The following MGAM2 variants were observed in gnomAD, a reference collection of about 807,000 sequenced individuals.
MGAM2 encodes probable maltase-glucoamylase 2.
MGAM2 carries 98 observed loss-of-function variants against 96.1 expected under a neutral mutation model. That is an observed-to-expected ratio of 1.02 (90% CI 0.87 to 1.21). MGAM2 has a LOEUF of 1.21. Among genes scored for constraint, MGAM2 ranks in the 50% most tolerant of loss-of-function variants. MGAM2 has a pLI of 0.00. For synonymous variants in MGAM2, 749 were observed against 414.8 expected (o/e 1.81, Z -9.79); for missense variants, 2,055 against 1,182.4 (o/e 1.74, Z -10.82).
At chr7:142,143,943 G>A (rs1433283540) in intron 13 of MGAM2, 61 bp downstream of exon 13, 5 of 697,600 alleles carry the variant, frequency 7.2e-6, no homozygotes, top group East Asian at 2.7e-5. Context: ...ATTTTCAGAT[G>A]AGTTTTGACC....
At chr7:142,182,741 CTA>C (rs1796580222) in intron 32 of MGAM2, among the ~76,000 whole-genome samples, 1 of 152,220 alleles carries the variant, frequency 6.6e-6, no homozygotes, top group Admixed American at 6.5e-5. Context: ...CTCAGCAACT[CTA>C]TGTGGGATTT....
Position 142,137,498 on chromosome 7 carries a change from G to A in MGAM2, c.913G>A (p.Val305Ile), listed in dbSNP as rs775764230. 36 of 701,626 alleles carry A rather than the reference G, an allele frequency of 5.1e-5. No homozygotes were observed. The highest frequency in any genetic ancestry group is 8.7e-5 in the African/African-American group (5 of 57,230). The allele number at this position is 701,626 out of a possible 1,614,324, so 43.5% of individuals were successfully genotyped here. ...GATTGGAGGCATTCTTGACTTTTAC[G>A]TATTCCTAGGAAACACTCCAGAACA... ...RTIGGILDFY[V>I]FLGNTPEQVV... The change falls in exon 9 of 48, where the codon GTA becomes ATA. Residue 305 changes from valine to isoleucine, a missense_variant. Transcript: ENST00000477922.
chr7:142,172,582 A>C, intron 29 of MGAM2, 70 bp from the exon 30 acceptor site: 1 of 618,462 alleles, frequency 1.6e-6, no homozygotes, highest in South Asian at 1.9e-5. Flanking sequence ...AGCAAATCTT[A>C]GAGCAGGTTT....
intron 8 of MGAM2, 92 bp downstream of exon 8, chr7:142,136,732 G>C: frequency 5.4e-6 from 3 of 552,418 alleles, no homozygotes; most frequent in Non-Finnish European, 9.6e-6. Context: ...ATCAACTGTT[G>C]AACAGAAGGC....
intron 45 of MGAM2, among the ~76,000 whole-genome samples, chr7:142,200,920 C>T (rs556438936): frequency 6.6e-5 from 10 of 151,812 alleles, no homozygotes; most frequent in African/African-American, 1.9e-4. Flanking sequence ...TTTGTGAATC[C>T]TGTTTATTTT....
intron 3 of MGAM2, among the ~76,000 whole-genome samples, chr7:142,128,415 C>T (rs1325904115): frequency 6.6e-6 from 1 of 152,140 alleles, no homozygotes; most frequent in Non-Finnish European, 1.5e-5. Context: ...ACATAAGTAA[C>T]AAGGAGTCAA....
At chr7:142,164,764 G>C (rs373795786) in intron 23 of MGAM2, 92 bp from the exon 24 acceptor site, 11 of 563,448 alleles carry the variant, frequency 2.0e-5, no homozygotes, top group Middle Eastern at 4.1e-4. Flanking sequence ...GAAACAGCTT[G>C]GATCACAGAA....
chr7:142,172,485 T>C (rs1287052117), intron 29 of MGAM2, among the ~76,000 whole-genome samples, 167 bp from the exon 30 acceptor site: 1 of 152,182 alleles, frequency 6.6e-6, no homozygotes, highest in Non-Finnish European at 1.5e-5. Flanking sequence ...ATATTACATT[T>C]GGGGTACCTG....
Position 142,187,787 on chromosome 7 carries a change from T to A in MGAM2, c.4160T>A (p.Val1387Asp), listed in dbSNP as rs1400692374. Residue 1387 changes from valine to aspartate, a missense_variant, in exon 36 of 48, where the codon GTC (valine) becomes GAC (aspartate). Physicochemically the swap from Val to Asp is radical, Grantham distance 152. Coordinates refer to ENST00000477922, the MANE Select transcript of MGAM2 (RefSeq NM_001293626.2). Reference sequence around the variant, plus strand: ...CCATCAAATTTTGTGGATGGATCTGTCAGGGGCTGCAGCAATGAAATGCTA... The same window carrying A: ...CCATCAAATTTTGTGGATGGATCTGACAGGGGCTGCAGCAATGAAATGCTA... ...NEPSNFVDGS[V>D]RGCSNEMLNN... 1.4e-6 allele frequency: 1 copy of A among 702,842 alleles called. No individual in the cohort carries two copies. Among genetic ancestry groups the A allele is most frequent in the Non-Finnish European group, 2.6e-6 (1 of 384,870 alleles). 43.5% of individuals were successfully genotyped at this position (702,842 alleles called of 1,614,324 possible).
Position 142,158,119 on chromosome 7 carries a change from C to T in MGAM2, c.2078+28C>T, listed in dbSNP as rs1459129440. ...GAGTTTCCTGATTCTCAAAGACTCC[C>T]TTTCTGATTGTAGTTTCACTTGACT... is the stretch of plus-strand genomic sequence containing the variant. On this transcript the variant is annotated intron_variant, in intron 18 of 47. Transcript: ENST00000477922. The T allele has an allele frequency of 3.6e-5, 25 of 700,540 alleles. No individual in the cohort carries two copies. In the East Asian group the frequency reaches 6.7e-4, roughly 19 times the overall value. 43.4% of individuals were successfully genotyped at this position (700,540 alleles called of 1,614,324 possible).
In MGAM2 at chr7:142,199,977, A is replaced by T; in HGVS notation, c.5137+9A>T. 1.5e-6 allele frequency: 1 copy of T among 661,636 alleles called. No individual in the cohort carries two copies. The highest frequency in any genetic ancestry group is 1.8e-5 in the African/African-American group (1 of 55,512). The allele number at this position is 661,636 out of a possible 1,614,324, so 41.0% of individuals were successfully genotyped here. A position where few individuals can be genotyped will look rare whatever the true frequency, so the allele number is the denominator to read the frequency against. On this transcript the variant is annotated intron_variant, in intron 45 of 47. Transcript: ENST00000477922. Reference sequence around the variant, plus strand: ...TGATGGACAAAGCATTGGTGAGTATAAACTTTCCAGGGTCCCTGTACATCA... The same window carrying T: ...TGATGGACAAAGCATTGGTGAGTATTAACTTTCCAGGGTCCCTGTACATCA...
intron 8 of MGAM2, among the ~76,000 whole-genome samples, chr7:142,136,842 A>G (rs140284033): frequency 6.6e-6 from 1 of 152,332 alleles, no homozygotes; most frequent in East Asian, 1.9e-4. Flanking sequence ...ATTGAAAACC[A>G]CTTCAGGGGT....
chr7:142,149,229 C>CAA (rs72418423), intron 15 of MGAM2, among the ~76,000 whole-genome samples: 72 of 147,638 alleles, frequency 4.9e-4, no homozygotes, highest in South Asian at 1.1e-3. Flanking sequence ...AACTCCGTCT[C>CAA]AAAAAAAAAA....
chr7:142,144,236 T>G (rs559757898), intron 13 of MGAM2, among the ~76,000 whole-genome samples: 2 of 152,234 alleles, frequency 1.3e-5, no homozygotes, highest in Non-Finnish European at 2.9e-5. Context: ...TAGAGAATAA[T>G]TTAATGAGGG....
chr7:142,149,718 T>G (rs1208289884), intron 15 of MGAM2, among the ~76,000 whole-genome samples: 2 of 150,758 alleles, frequency 1.3e-5, no homozygotes, highest in East Asian at 2.0e-4. Flanking sequence ...TTGTTTGTAT[T>G]TTTTAGTAGA....
chr7:142,174,715 C>CTCTCTTTTTTTT (rs1194981898), intron 31 of MGAM2, among the ~76,000 whole-genome samples: 7 of 85,460 alleles, frequency 8.2e-5, no homozygotes, highest in African/African-American at 4.0e-4. Context: ...CTCTCTCTCT[C>CTCTCTTTTTTTT]TTTTTTTTTT....
intron 47 of MGAM2, among the ~76,000 whole-genome samples, 179 bp from the exon 48 acceptor site, chr7:142,219,691 T>A (rs1007571946): frequency 2.6e-5 from 4 of 152,102 alleles, no homozygotes; most frequent in African/African-American, 9.7e-5. Flanking sequence ...ACACAGAGCA[T>A]CTCTCTGTAT....
intron 32 of MGAM2, among the ~76,000 whole-genome samples, chr7:142,181,000 G>A (rs1025647691): frequency 4.6e-5 from 7 of 152,138 alleles, no homozygotes; most frequent in Admixed American, 1.3e-4. Flanking sequence ...CTTGTTGAGT[G>A]TCCTTGTCAT....
chr7:142,124,610 T>C (rs1030691394), intron 3 of MGAM2, among the ~76,000 whole-genome samples: 1 of 152,194 alleles, frequency 6.6e-6, no homozygotes, highest in African/African-American at 2.4e-5. Context: ...CTGCCAGTTT[T>C]CTCACAAAAC....
Sources: gnomAD v4.1 joint callset for allele counts (sites outside exome capture counted in the v4.1 genomes callset) on GRCh38, gnomAD v4.1.1 for gene constraint, MANE v1.5 for transcripts, NCBI Gene and HGNC (gene_info 2026-07-23, HGNC 2026-07-21) for gene names.